Variants in SPATC1 observed in about 807,000 individuals in gnomAD.
SPATC1 encodes the protein spermatogenesis and centriole associated 1, also known as speriolin.
In SPATC1, 35 loss-of-function variants were observed where a neutral mutation model predicts 36.5. That is an observed-to-expected ratio of 0.96 (90% CI 0.73 to 1.27). SPATC1 has a LOEUF of 1.27. Among genes scored for constraint, SPATC1 ranks in the 50% most tolerant of loss-of-function variants. The pLI is 0.00. For missense variants in SPATC1, 779 were observed against 796.0 expected, an observed-to-expected ratio of 0.98 and a Z score of 0.26; for synonymous variants, 361 against 353.6, an observed-to-expected ratio of 1.02 and a Z score of -0.24.
chr8:144,041,856 T>G, intron 4 of SPATC1: 1 of 662,528 alleles, frequency 1.5e-6, no homozygotes. Context: ...ATCTGTGGAT[T>G]GCAGGCCTGT....
At chr8:144,039,587 G>A (rs955563304) in intron 1 of SPATC1, among the ~76,000 whole-genome samples, 4 of 152,208 alleles carry the variant, frequency 2.6e-5, no homozygotes, top group South Asian at 2.1e-4. Flanking sequence ...GCAGCGGGAC[G>A]TCCCCATGGC....
rs1554753274 is a variant in SPATC1 at position 144,016,614 on chromosome 8, T to C, written c.211+3888T>C. On this transcript the variant is annotated intron_variant, in intron 1 of 4. Coordinates refer to ENST00000377470, the MANE Select transcript of SPATC1 (RefSeq NM_198572.3). This position sits in a 1 kb window ranked among gnomAD's most constrained non-coding sequence, Gnocchi z 4.5. Reference sequence around the variant, plus strand: ...AAGACACTGATGGTTTTTGTTTGTTTGTTTGTTTGTTTTTTTGTTTGTTTG... The same window carrying C: ...AAGACACTGATGGTTTTTGTTTGTTCGTTTGTTTGTTTTTTTGTTTGTTTG... 1.3e-5 allele frequency among the ~76,000 whole-genome samples: 2 copies of C among 151,906 alleles called. No individual in the cohort carries two copies. Among genetic ancestry groups the C allele is most frequent in the African/African-American group, 2.4e-5 (1 of 41,296 alleles).
chr8:144,018,035 G>A (rs1834428038), intron 1 of SPATC1, among the ~76,000 whole-genome samples: 1 of 152,174 alleles, frequency 6.6e-6, no homozygotes, highest in Non-Finnish European at 1.5e-5. Flanking sequence ...TCTGGGAAGA[G>A]AGTGCACAGT....
intron 1 of SPATC1, among the ~76,000 whole-genome samples, chr8:144,038,622 G>A (rs554597014): frequency 0.12 from 17,883 of 151,694 alleles, 3,014 homozygotes; most frequent in African/African-American, 0.37. Context: ...CTACAGGTGT[G>A]TGCCACCAGG....
rs145159396 is a variant in SPATC1, at chr8:144,040,663, G to A, written c.862G>A (p.Gly288Arg). ...GAPLQTSTPIGAMGTPAPKTA... is the reference protein window; with the variant it reads ...GAPLQTSTPIRAMGTPAPKTA... ...ACCCCTCCAGACCTCCACCCCTATC[G>A]GAGCCATGGGCACACCTGCTCCCAA... The change falls in exon 3 of 5, where the codon GGA becomes AGA. Residue 288 changes from glycine to arginine, a missense_variant. By Grantham distance (125) the Gly-to-Arg change is moderately radical. Transcript: ENST00000377470. 6.0e-4 allele frequency: 970 copies of A among 1,612,176 alleles called. 1 individual carries two copies. The highest frequency in any genetic ancestry group is 7.8e-4 in the Non-Finnish European group (923 of 1,179,672).
intron 1 of SPATC1, among the ~76,000 whole-genome samples, chr8:144,020,559 A>G (rs1396780153): frequency 2.7e-5 from 4 of 145,540 alleles, no homozygotes; most frequent in Non-Finnish European, 4.5e-5. Flanking sequence ...TTCCTTCAGT[A>G]TCCTCTCCCC....
intron 1 of SPATC1, among the ~76,000 whole-genome samples, chr8:144,034,812 G>A (rs946669987): frequency 3.3e-5 from 5 of 151,878 alleles, no homozygotes; most frequent in Admixed American, 2.6e-4. Flanking sequence ...TAGTAGAGAC[G>A]GGGTTTCACC....
chr8:144,026,281 G>A (rs1414373330), intron 1 of SPATC1, among the ~76,000 whole-genome samples: 1 of 152,062 alleles, frequency 6.6e-6, no homozygotes, highest in East Asian at 1.9e-4. Flanking sequence ...AGGGTTTTTT[G>A]TTTTGTTTCG....
chr8:144,044,417 T>A (rs1159729741), intron 4 of SPATC1, among the ~76,000 whole-genome samples: 1 of 150,970 alleles, frequency 6.6e-6, no homozygotes, highest in Non-Finnish European at 1.5e-5. Flanking sequence ...TTCTCCTGCC[T>A]CAGCCTCCCA....
intron 1 of SPATC1, among the ~76,000 whole-genome samples, chr8:144,035,087 G>A (rs1162935957): frequency 6.9e-6 from 1 of 145,764 alleles, no homozygotes; most frequent in African/African-American, 2.8e-5. Flanking sequence ...CAATTTTTCC[G>A]TGGTTTGTTG....
Position 144,046,693 on chromosome 8 carries a change from G to A in SPATC1, c.1513G>A (p.Val505Met). The change falls in exon 5 of 5, where the codon GTG becomes ATG. Residue 505 changes from valine to methionine, a missense_variant. Coordinates refer to ENST00000377470, the MANE Select transcript of SPATC1 (RefSeq NM_198572.3). The surrounding 1 kb of genome is among the most constrained non-coding windows in gnomAD (Gnocchi z 6.6). ...GTGCCAGAGGCTCACACAGCGCTATGTGAGCGTCATGAACAGGCTGCAGAG... is the reference window on the plus strand; with the variant it reads ...GTGCCAGAGGCTCACACAGCGCTATATGAGCGTCATGAACAGGCTGCAGAG... ...KLCQRLTQRY[V>M]SVMNRLQSLG... 1 of 1,612,544 alleles carries A rather than the reference G, an allele frequency of 6.2e-7. No homozygotes were observed. The highest frequency in any genetic ancestry group is 8.5e-7 in the Non-Finnish European group (1 of 1,179,972).
chr8:144,012,529 C>A lies in SPATC1; in HGVS notation c.14C>A (p.Thr5Asn), dbSNP rs1554752595. The change falls in exon 1 of 5, where the codon ACC (threonine) becomes AAC (asparagine). Residue 5 changes from threonine (T) to asparagine (N), a missense_variant. Thr to Asn is a moderately conservative substitution (Grantham distance 65). Transcript: ENST00000377470. ...CTGCCCCAGGGCATGTCTCTACTCACCAATTATGAAGGGCTTCGGCATCAG... is the reference window on the plus strand; with the variant it reads ...CTGCCCCAGGGCATGTCTCTACTCAACAATTATGAAGGGCTTCGGCATCAG... Reference protein sequence around the residue: MSLLTNYEGLRHQIE... With the variant: MSLLNNYEGLRHQIE... 6.4e-7 allele frequency: 1 copy of A among 1,551,748 alleles called. No homozygotes were observed. The highest frequency in any genetic ancestry group is 2.0e-5 in the Admixed American group (1 of 51,008).
intron 1 of SPATC1, among the ~76,000 whole-genome samples, chr8:144,019,260 G>A (rs1208949325): frequency 1.3e-5 from 2 of 152,302 alleles, no homozygotes; most frequent in Admixed American, 1.3e-4. Flanking sequence ...CAAGAGCTCA[G>A]GCACATCAAA....
At chr8:144,017,769 G>C (rs1161453187) in intron 1 of SPATC1, among the ~76,000 whole-genome samples, 1 of 152,114 alleles carries the variant, frequency 6.6e-6, no homozygotes, top group Non-Finnish European at 1.5e-5. Flanking sequence ...TCTGACACTT[G>C]GTAAATGGGC....
chr8:144,038,044 G>A (rs531160684), intron 1 of SPATC1, among the ~76,000 whole-genome samples: 4 of 151,042 alleles, frequency 2.6e-5, no homozygotes, highest in African/African-American at 4.9e-5. Context: ...GGAGAATGGC[G>A]TGAACCCCGG....
chr8:144,042,711 T>C (rs1394974171), intron 4 of SPATC1, among the ~76,000 whole-genome samples: 1 of 152,106 alleles, frequency 6.6e-6, no homozygotes, highest in Admixed American at 6.5e-5. Context: ...GCAGTGGCCT[T>C]GTTCATTGGT....
At chr8:144,035,266 T>A (rs1307650328) in intron 1 of SPATC1, among the ~76,000 whole-genome samples, 5 of 152,186 alleles carry the variant, frequency 3.3e-5, no homozygotes, top group Non-Finnish European at 7.4e-5. Context: ...GAGCCCTCGT[T>A]CCTAGCAGGA....
chr8:144,040,435 T>A lies in SPATC1; in HGVS notation c.738T>A (p.Ala246=), dbSNP rs1335207540. 1.2e-6 allele frequency: 2 copies of A among 1,605,446 alleles called. No homozygotes were observed. Among genetic ancestry groups the A allele is most frequent in the East Asian group, 4.5e-5 (2 of 44,808 alleles). ...RGGPTGPQSP[A]CVVPTATTKV... Reference sequence around the variant, plus strand: ...GCCCCACTGGGCCCCAGTCCCCAGCTTGCGTGGTACCCACTGCCACCACCA... The same window carrying A: ...GCCCCACTGGGCCCCAGTCCCCAGCATGCGTGGTACCCACTGCCACCACCA... The change falls in exon 2 of 5, where the codon GCT becomes GCA. Residue 246 remains alanine (A), a synonymous_variant. Transcript: ENST00000377470.
intron 1 of SPATC1, among the ~76,000 whole-genome samples, chr8:144,038,329 A>T (rs756984458): frequency 2.1e-5 from 3 of 139,768 alleles, no homozygotes; most frequent in South Asian, 2.6e-4. Flanking sequence ...GCTACTCAGG[A>T]GGCTGGAGCA....
Sources: gnomAD v4.1 joint callset for allele counts (sites outside exome capture counted in the v4.1 genomes callset) on GRCh38, gnomAD v4.1.1 for gene constraint, Gnocchi (gnomAD v3.1) non-coding constraint, MANE v1.5 for transcripts, NCBI Gene and HGNC (gene_info 2026-07-23, HGNC 2026-07-21) for gene names.